Variants in ZMYM2 observed in about 807,000 individuals in gnomAD.
ZMYM2 encodes zinc finger MYM-type containing 2.
In ZMYM2, 56 loss-of-function variants were observed where a neutral mutation model predicts 162.8. The observed-to-expected ratio is 0.34, with a 90% CI of 0.28 to 0.43. The LOEUF (loss-of-function observed/expected upper bound fraction) is 0.43. Among genes scored for constraint, ZMYM2 ranks in the 20% least tolerant of loss-of-function variants. The probability of loss-of-function intolerance (pLI) is 1.00; values close to 1 mark genes in which losing one functional copy is unlikely to be tolerated. For missense variants in ZMYM2, 1,275 were observed against 1,621.8 expected, an observed-to-expected ratio of 0.79 and a Z score of 3.67; for synonymous variants, 510 against 541.6, an observed-to-expected ratio of 0.94 and a Z score of 0.81.
At chr13:20,014,393 T>C (rs1297605016) in intron 6 of ZMYM2, among the ~76,000 whole-genome samples, 3 of 152,086 alleles carry the variant, frequency 2.0e-5, no homozygotes, top group African/African-American at 7.2e-5. Flanking sequence ...GATGACTGAG[T>C]CTATTGTTAC....
the ZMYM2 span, among the ~76,000 whole-genome samples, chr13:19,890,081 T>A: frequency 5.3e-5 from 8 of 152,092 alleles, 1 homozygote; most frequent in African/African-American, 1.9e-4. Context: ...TCCTTTGATT[T>A]AGATATCCCT....
At chr13:19,994,951 G>A (rs965059139) in intron 3 of ZMYM2, among the ~76,000 whole-genome samples, 1 of 150,520 alleles carries the variant, frequency 6.6e-6, no homozygotes, top group Non-Finnish European at 1.5e-5. Flanking sequence ...TTCCATCGCA[G>A]CCTCCAGAGT....
intron 3 of ZMYM2, among the ~76,000 whole-genome samples, chr13:20,001,813 G>C (rs1475203381): frequency 6.6e-6 from 1 of 152,222 alleles, no homozygotes; most frequent in Non-Finnish European, 1.5e-5. Context: ...AAAGATTACA[G>C]CTTGATGAAA....
the ZMYM2 span, among the ~76,000 whole-genome samples, chr13:19,874,460 T>C: frequency 6.6e-6 from 1 of 152,158 alleles, no homozygotes. Context: ...CTCTAACTCC[T>C]GGGCTCAGGA....
chr13:20,056,921 C>G (rs2140689298), intron 14 of ZMYM2, among the ~76,000 whole-genome samples: 1 of 152,264 alleles, frequency 6.6e-6, no homozygotes, highest in Non-Finnish European at 1.5e-5. Flanking sequence ...AAGGCTGACA[C>G]AATTTTTGGA....
At chr13:19,991,123 GTTTTC>G (rs1383572455) in intron 2 of ZMYM2, among the ~76,000 whole-genome samples, 1 of 149,454 alleles carries the variant, frequency 6.7e-6, no homozygotes, top group Non-Finnish European at 1.5e-5. Context: ...GTACGTATGT[GTTTTC>G]TTTTGAGACA....
chr13:19,988,758 C>T (rs1018265942), intron 2 of ZMYM2, among the ~76,000 whole-genome samples: 6 of 152,010 alleles, frequency 3.9e-5, no homozygotes, highest in African/African-American at 1.4e-4. Context: ...TGCATTCCAG[C>T]CTGGGTGACA....
At position 19,993,124 on chromosome 13, in the gene ZMYM2, T is replaced by G. The variant is rs1949756469; in HGVS notation, c.52T>G (p.Leu18Val). The G allele has an allele frequency of 2.5e-6, 4 of 1,613,892 alleles. No homozygotes were observed. The highest frequency in any genetic ancestry group is 1.7e-5 in the Admixed American group (1 of 59,986). Reference sequence around the variant, plus strand: ...AGAATTGACTGATCAGACTCCTGTTTTATTAGGGAGTACGGCCATGGCAAC... The same window carrying G: ...AGAATTGACTGATCAGACTCCTGTTGTATTAGGGAGTACGGCCATGGCAAC... ...GLELTDQTPV[L>V]LGSTAMATSL... is the part of the protein sequence containing the mutation. Residue 18 changes from leucine (L) to valine (V), a missense_variant, in exon 3 of 25, where the codon TTA becomes GTA. Around this residue, in one of 10 missense-constraint regions of ZMYM2, gnomAD observed 295 missense variants for 286.7 expected, o/e 1.03. Coordinates refer to ENST00000610343, the MANE Select transcript of ZMYM2 (RefSeq NM_197968.4).
At chr13:19,922,483 TG>T in the ZMYM2 span, among the ~76,000 whole-genome samples, 1 of 152,214 alleles carries the variant, frequency 6.6e-6, no homozygotes, top group Admixed American at 6.5e-5. Flanking sequence ...AACGTCTCTC[TG>T]GGATTCACAT....
chr13:19,996,369 T>C (rs1472349149), intron 3 of ZMYM2, among the ~76,000 whole-genome samples: 5 of 151,956 alleles, frequency 3.3e-5, no homozygotes, highest in African/African-American at 1.2e-4. Flanking sequence ...TCACTTGAGC[T>C]CAGGAGTTTC....
intron 6 of ZMYM2, among the ~76,000 whole-genome samples, chr13:20,018,273 ATTC>A (rs1951785108): frequency 6.6e-6 from 1 of 152,180 alleles, no homozygotes; most frequent in African/African-American, 2.4e-5. Flanking sequence ...TGTTTCTTTT[ATTC>A]TTTAAAATTA....
At chr13:20,039,782 GT>G (rs1954070762) in intron 12 of ZMYM2, among the ~76,000 whole-genome samples, 1 of 152,124 alleles carries the variant, frequency 6.6e-6, no homozygotes, top group Non-Finnish European at 1.5e-5. Flanking sequence ...AGCCTATTGA[GT>G]TTTTAACATG....
At chr13:19,885,922 T>TATGTGTGTATACACAC in the ZMYM2 span, among the ~76,000 whole-genome samples, 7 of 92,220 alleles carry the variant, frequency 7.6e-5, no homozygotes, top group East Asian at 1.2e-3. Context: ...TATACACATA[T>TATGTGTGTATACACAC]ATATGTGTAT....
the ZMYM2 span, among the ~76,000 whole-genome samples, chr13:19,927,223 C>T: frequency 1.3e-5 from 2 of 152,058 alleles, no homozygotes; most frequent in African/African-American, 4.8e-5. Context: ...TCCTTGTGAT[C>T]CACCCTCTCA....
intron 9 of ZMYM2, 56 bp from the exon 10 acceptor site, chr13:20,031,263 C>T (rs1953107164): frequency 8.0e-7 from 1 of 1,246,994 alleles, no homozygotes. Context: ...ACAGTAATCA[C>T]AAATAGAAAT....
chr13:20,078,695 A>G (rs1453224979), intron 21 of ZMYM2, among the ~76,000 whole-genome samples: 1 of 152,218 alleles, frequency 6.6e-6, no homozygotes, highest in Non-Finnish European at 1.5e-5. Flanking sequence ...GTAGTCTGAA[A>G]TGAGAAGTGT....
chr13:19,964,507 T>G (rs1955566856), intron 2 of ZMYM2, among the ~76,000 whole-genome samples: 2 of 152,252 alleles, frequency 1.3e-5, no homozygotes, highest in African/African-American at 4.8e-5. Context: ...TCAAGCGATC[T>G]TCCCACCTTG....
At chr13:20,083,477 C>T (rs1958041742) in intron 23 of ZMYM2, among the ~76,000 whole-genome samples, 179 bp from the exon 24 acceptor site, 1 of 152,154 alleles carries the variant, frequency 6.6e-6, no homozygotes, top group South Asian at 2.1e-4. Context: ...AATAAGACAA[C>T]CTATGTCTTA....
chr13:19,912,589 C>T, the ZMYM2 span, among the ~76,000 whole-genome samples: 61 of 152,228 alleles, frequency 4.0e-4, no homozygotes, highest in African/African-American at 1.4e-3. Flanking sequence ...CCACCTTGAC[C>T]TCCCAAAGGG....
Sources: gnomAD v4.1 joint callset for allele counts (sites outside exome capture counted in the v4.1 genomes callset) on GRCh38, gnomAD v4.1.1 for gene constraint, gnomAD v4.1.1 regional missense constraint, MANE v1.5 for transcripts, NCBI Gene and HGNC (gene_info 2026-07-23, HGNC 2026-07-21) for gene names.